ESR1: variants seen among roughly 807,000 people sequenced by gnomAD.
ESR1 encodes estrogen receptor.
ESR1 carries 12 observed loss-of-function variants against 52.7 expected under a neutral mutation model. That is an observed-to-expected ratio of 0.23 (90% confidence interval 0.15 to 0.37). The LOEUF (loss-of-function observed/expected upper bound fraction) is 0.37, where lower values mean the gene tolerates loss of function less well. ESR1 is among the 10% of genes least tolerant of loss of function. The probability of loss-of-function intolerance (pLI) is 1.00; values close to 1 mark genes in which losing one functional copy is unlikely to be tolerated. For synonymous variants in ESR1, 305 were observed against 316.8 expected (o/e 0.96, Z 0.39); for missense variants, 584 against 779.7 (o/e 0.75, Z 2.99).
chr6:151,852,011 TG>T (rs1263572359), intron 2 of ESR1, among the ~76,000 whole-genome samples: 2 of 152,170 alleles, frequency 1.3e-5, no homozygotes, highest in African/African-American at 4.8e-5. Flanking sequence ...GATATTATAA[TG>T]AAAGGATATA....
At chr6:151,773,711 T>G (rs1049786631) in intron 2 of ESR1, among the ~76,000 whole-genome samples, 3 of 152,214 alleles carry the variant, frequency 2.0e-5, no homozygotes, top group Non-Finnish European at 4.4e-5. Context: ...TGACATCTTC[T>G]CTTTTTCACT....
intron 2 of ESR1, among the ~76,000 whole-genome samples, chr6:151,855,067 C>T (rs1787565313): frequency 6.6e-6 from 1 of 152,134 alleles, no homozygotes; most frequent in Non-Finnish European, 1.5e-5. Flanking sequence ...GCATGGGCCA[C>T]CACACCCAAC....
chr6:151,771,771 ATACTTTT>A (rs754409609), intron 2 of ESR1, among the ~76,000 whole-genome samples: 1 of 152,200 alleles, frequency 6.6e-6, no homozygotes, highest in Non-Finnish European at 1.5e-5. Flanking sequence ...TTTTTACATT[ATACTTTT>A]TACTTTACCC....
intron 3 of ESR1, among the ~76,000 whole-genome samples, chr6:151,895,552 G>C (rs914548520): frequency 6.6e-6 from 1 of 152,142 alleles, no homozygotes; most frequent in South Asian, 2.1e-4. Flanking sequence ...TTACAGTGAG[G>C]TACCTTGTAT....
chr6:152,030,144 C>T (rs1396492997), intron 5 of ESR1, among the ~76,000 whole-genome samples: 1 of 152,148 alleles, frequency 6.6e-6, no homozygotes, highest in African/African-American at 2.4e-5. Flanking sequence ...GAAGGAAGCA[C>T]TAAACACGGA....
chr6:151,977,057 G>A (rs1166663745), intron 4 of ESR1, among the ~76,000 whole-genome samples: 1 of 152,084 alleles, frequency 6.6e-6, no homozygotes. Context: ...TAGGTAATAT[G>A]TTGAAACATA....
At chr6:151,710,731 C>T (rs796848414) in intron 2 of ESR1, among the ~76,000 whole-genome samples, 171 of 151,942 alleles carry the variant, frequency 1.1e-3, no homozygotes, top group African/African-American at 4.0e-3. Flanking sequence ...TAGCCCCCCA[C>T]CCTCTGACAG....
chr6:151,756,728 G>T (rs938541036), intron 2 of ESR1, among the ~76,000 whole-genome samples: 2 of 152,296 alleles, frequency 1.3e-5, no homozygotes, highest in Middle Eastern at 3.4e-3. Flanking sequence ...GATGGCTCAC[G>T]CCTGTAATCC....
intron 2 of ESR1, among the ~76,000 whole-genome samples, chr6:151,855,317 T>C (rs1166408677): frequency 1.3e-5 from 2 of 152,210 alleles, no homozygotes; most frequent in African/African-American, 4.8e-5. Context: ...CTTTATTTTA[T>C]TTTGTTTGTT....
At chr6:151,870,086 C>T (rs1790686749) in intron 2 of ESR1, among the ~76,000 whole-genome samples, 1 of 152,130 alleles carries the variant, frequency 6.6e-6, no homozygotes, top group South Asian at 2.1e-4. Flanking sequence ...TGGAGATATT[C>T]ACTTTAATAT....
intron 4 of ESR1, among the ~76,000 whole-genome samples, chr6:151,999,613 TCTTA>T (rs1393163617): frequency 6.6e-6 from 1 of 152,108 alleles, no homozygotes; most frequent in Non-Finnish European, 1.5e-5. Context: ...TGCATGAAAT[TCTTA>T]CTTAGTCTGT....
At chr6:151,931,462 T>C (rs1486515364) in intron 3 of ESR1, among the ~76,000 whole-genome samples, 4 of 152,128 alleles carry the variant, frequency 2.6e-5, no homozygotes, top group Non-Finnish European at 5.9e-5. Flanking sequence ...ACTCTTTTTT[T>C]TTATTATACT....
chr6:152,107,915 C>T (rs1177994069), downstream of ESR1, among the ~76,000 whole-genome samples: 1 of 152,140 alleles, frequency 6.6e-6, no homozygotes, highest in Non-Finnish European at 1.5e-5. Flanking sequence ...CCCCTATCTC[C>T]ACAGCTGAGC....
chr6:152,094,264 T>C lies in ESR1; in HGVS notation c.1370-121T>C. ...TTTAAATGGGTCCAGAGCATCCCCA[T>C]TGCTAGACTACTGTGCTGAGGAAGG... is the stretch of plus-strand genomic sequence containing the variant. On this transcript the variant is annotated intron_variant, in intron 6 of 7. Transcript: ENST00000206249. The surrounding 1 kb of genome is among the most constrained non-coding windows in gnomAD (Gnocchi z 4.6). 1 of 864,634 alleles carries C rather than the reference T, an allele frequency of 1.2e-6. No individual in the cohort carries two copies. The highest frequency in any genetic ancestry group is 2.0e-6 in the Non-Finnish European group (1 of 501,918). The allele number at this position is 864,634 out of a possible 1,614,324, so 53.6% of individuals were successfully genotyped here. A position where few individuals can be genotyped will look rare whatever the true frequency, so the allele number is the denominator to read the frequency against.
chr6:151,660,939 A>G (rs1227662504), intron 1 of ESR1, among the ~76,000 whole-genome samples: 1 of 152,176 alleles, frequency 6.6e-6, no homozygotes, highest in Non-Finnish European at 1.5e-5. Flanking sequence ...ATTCTGATTT[A>G]ATTGATTAGG....
intron 1 of ESR1, among the ~76,000 whole-genome samples, chr6:151,833,953 A>T (rs901981550): frequency 6.6e-6 from 1 of 152,160 alleles, no homozygotes; most frequent in African/African-American, 2.4e-5. Flanking sequence ...AAAAAATCTC[A>T]TCATCACTGG....
rs541449323 is a variant in ESR1 at position 151,715,375 on chromosome 6, G to C, written c.-71+13370G>C. 3.3e-5 allele frequency among the ~76,000 whole-genome samples: 5 copies of C among 152,280 alleles called. No individual in the cohort carries two copies. The East Asian group carries it at 9.6e-4, about 29-fold the overall frequency. On this transcript the variant is annotated intron_variant, in intron 2 of 2. Transcript: ENST00000404742. ...TTCTCTGTATTTCCTGAATTTGAATGTTGGCCTGTCTTGCTAGGTTGGGGA... is the reference window on the plus strand; with the variant it reads ...TTCTCTGTATTTCCTGAATTTGAATCTTGGCCTGTCTTGCTAGGTTGGGGA...
At chr6:151,705,761 T>G (rs953868874) in intron 2 of ESR1, among the ~76,000 whole-genome samples, 1 of 152,200 alleles carries the variant, frequency 6.6e-6, no homozygotes, top group African/African-American at 2.4e-5. Flanking sequence ...CAGTATTGTT[T>G]ATTGTAATTC....
intron 1 of ESR1, among the ~76,000 whole-genome samples, chr6:151,833,427 G>T (rs1188558862): frequency 6.6e-6 from 1 of 152,164 alleles, no homozygotes; most frequent in Non-Finnish European, 1.5e-5. Flanking sequence ...TGAAGCCTTA[G>T]GGTAGCCGTG....
Sources: allele counts gnomAD v4.1 joint callset (sites outside exome capture counted in the v4.1 genomes callset), GRCh38; gene constraint gnomAD v4.1.1; non-coding constraint Gnocchi (gnomAD v3.1); transcripts MANE v1.5; gene names NCBI Gene and HGNC (gene_info 2026-07-23, HGNC 2026-07-21).